The following NOS1AP variants were observed in gnomAD, a reference collection of about 807,000 sequenced individuals.
NOS1AP encodes the protein carboxyl-terminal PDZ ligand of neuronal nitric oxide synthase protein.
Under a neutral mutation model 56.2 loss-of-function variants are expected in NOS1AP, and 21 were observed. The observed-to-expected ratio is 0.37, with a 90% CI of 0.26 to 0.54. The LOEUF (loss-of-function observed/expected upper bound fraction) is 0.54, where lower values mean the gene tolerates loss of function less well. NOS1AP is among the 20% of genes least tolerant of loss of function. The pLI is 0.84. For missense variants in NOS1AP, 522 were observed against 657.8 expected (o/e 0.79, Z 2.26); for synonymous variants, 270 against 274.6 (o/e 0.98, Z 0.17).
intron 1 of NOS1AP, among the ~76,000 whole-genome samples, chr1:162,145,491 G>T (rs1234095541): frequency 6.6e-6 from 1 of 152,162 alleles, no homozygotes; most frequent in Non-Finnish European, 1.5e-5. Context: ...CTGAGTGTGT[G>T]CCCCGGAATC....
chr1:162,298,446 G>T (rs1314916753), intron 3 of NOS1AP, among the ~76,000 whole-genome samples: 2 of 152,202 alleles, frequency 1.3e-5, no homozygotes, highest in Non-Finnish European at 2.9e-5. Context: ...GAAGCCCAGT[G>T]GGGACCTAGA....
chr1:162,310,416 G>A (rs1004660703), intron 4 of NOS1AP, among the ~76,000 whole-genome samples: 1 of 152,224 alleles, frequency 6.6e-6, no homozygotes, highest in African/African-American at 2.4e-5. Flanking sequence ...GATCATCAGG[G>A]ATGTGGAGGC....
chr1:162,208,658 T>G (rs1161300314), intron 2 of NOS1AP, among the ~76,000 whole-genome samples: 2 of 152,214 alleles, frequency 1.3e-5, no homozygotes, highest in Non-Finnish European at 2.9e-5. Flanking sequence ...CCCCAGACAT[T>G]GCCAAATGTT....
At chr1:162,128,371 AT>A (rs887405614) in intron 1 of NOS1AP, among the ~76,000 whole-genome samples, 3 of 151,980 alleles carry the variant, frequency 2.0e-5, no homozygotes, top group Non-Finnish European at 2.9e-5. Context: ...TGCATTTTCT[AT>A]TTTTGGGGGT....
At chr1:162,224,787 C>T (rs1029925542) in intron 2 of NOS1AP, among the ~76,000 whole-genome samples, 2 of 152,080 alleles carry the variant, frequency 1.3e-5, no homozygotes, top group Non-Finnish European at 2.9e-5. Flanking sequence ...GAGAATTGAC[C>T]AGAATCTTCC....
At chr1:162,154,538 CTAGGTAGGG>C in intron 2 of NOS1AP, 62 bp downstream of exon 2, 1 of 1,551,248 alleles carries the variant, frequency 6.4e-7, no homozygotes, top group Non-Finnish European at 8.9e-7. Context: ...GCTGGCCCTT[CTAGGTAGGG>C]CTGGAGGGGC....
At chr1:162,072,686 C>T (rs1217515546) in intron 1 of NOS1AP, among the ~76,000 whole-genome samples, 1 of 152,166 alleles carries the variant, frequency 6.6e-6, no homozygotes, top group Admixed American at 6.5e-5. Flanking sequence ...TGATGCTGCA[C>T]CCTGGCACAT....
intron 2 of NOS1AP, among the ~76,000 whole-genome samples, chr1:162,277,820 A>G (rs150435684): frequency 6.6e-6 from 1 of 152,168 alleles, no homozygotes; most frequent in Non-Finnish European, 1.5e-5. Context: ...CCACTTCCTT[A>G]TTCTGCTTCT....
At chr1:162,107,647 A>G (rs1647564569) in intron 1 of NOS1AP, among the ~76,000 whole-genome samples, 1 of 152,184 alleles carries the variant, frequency 6.6e-6, no homozygotes, top group Non-Finnish European at 1.5e-5. Context: ...CCTGGCCTTA[A>G]CATAATTTTG....
At chr1:162,170,413 G>A (rs1203459106) in intron 2 of NOS1AP, among the ~76,000 whole-genome samples, 1 of 152,210 alleles carries the variant, frequency 6.6e-6, no homozygotes, top group African/African-American at 2.4e-5. Context: ...AGCAGAGCTG[G>A]GGGTCCACCT....
At chr1:162,343,475 A>G (rs1228600365) in intron 5 of NOS1AP, among the ~76,000 whole-genome samples, 1 of 152,218 alleles carries the variant, frequency 6.6e-6, no homozygotes, top group African/African-American at 2.4e-5. Flanking sequence ...AAAGAAAAAA[A>G]TGATAGCCGA....
At chr1:162,124,242 G>A (rs770777109) in intron 1 of NOS1AP, among the ~76,000 whole-genome samples, 7 of 152,042 alleles carry the variant, frequency 4.6e-5, no homozygotes, top group East Asian at 3.9e-4. Context: ...AGTGTACATC[G>A]TACTCACTAG....
At chr1:162,197,360 C>T (rs551444464) in intron 2 of NOS1AP, among the ~76,000 whole-genome samples, 10 of 152,092 alleles carry the variant, frequency 6.6e-5, no homozygotes, top group Non-Finnish European at 1.2e-4. Flanking sequence ...CCTCATGCCC[C>T]GTGGAGGGCA....
intron 1 of NOS1AP, among the ~76,000 whole-genome samples, chr1:162,121,013 T>G (rs1648191098): frequency 6.6e-6 from 1 of 151,430 alleles, no homozygotes; most frequent in Non-Finnish European, 1.5e-5. Context: ...CTCAGCTGGG[T>G]GATCACTGCA....
intron 1 of NOS1AP, among the ~76,000 whole-genome samples, chr1:162,120,431 T>G (rs1181279187): frequency 6.6e-6 from 1 of 152,090 alleles, no homozygotes; most frequent in African/African-American, 2.4e-5. Flanking sequence ...GAGGAGAGAA[T>G]TTGTATTAGT....
intron 2 of NOS1AP, among the ~76,000 whole-genome samples, chr1:162,241,455 T>C (rs1423601515): frequency 6.6e-6 from 1 of 152,192 alleles, no homozygotes; most frequent in Non-Finnish European, 1.5e-5. Context: ...ACTGGAGTGA[T>C]GATAATAGCT....
chr1:162,310,300 G>A (rs1381494199), intron 4 of NOS1AP, among the ~76,000 whole-genome samples: 1 of 152,230 alleles, frequency 6.6e-6, no homozygotes, highest in Non-Finnish European at 1.5e-5. Context: ...GTGATGGGGT[G>A]ACATCTGCAC....
At chr1:162,220,508 C>T (rs186678982) in intron 2 of NOS1AP, among the ~76,000 whole-genome samples, 22 of 152,288 alleles carry the variant, frequency 1.4e-4, no homozygotes, top group Non-Finnish European at 2.9e-4. Flanking sequence ...TGAATTTTCT[C>T]ATTTATAAAT....
intron 4 of NOS1AP, among the ~76,000 whole-genome samples, chr1:162,326,147 G>A (rs1466433914): frequency 6.6e-6 from 1 of 152,166 alleles, no homozygotes; most frequent in East Asian, 1.9e-4. Context: ...TTTGCTCAAG[G>A]CCCCTTGGTA....
Sources: gnomAD v4.1 joint callset for allele counts (sites outside exome capture counted in the v4.1 genomes callset) on GRCh38, gnomAD v4.1.1 for gene constraint, MANE v1.5 for transcripts, NCBI Gene and HGNC (gene_info 2026-07-23, HGNC 2026-07-21) for gene names.